The following HCRTR1 variants were observed in gnomAD, a reference collection of about 807,000 sequenced individuals.
HCRTR1 encodes the protein hypocretin receptor 1, also known as orexin/Hypocretin receptor type 1.
Under a neutral mutation model 40.6 loss-of-function variants are expected in HCRTR1, and 28 were observed. That is an observed-to-expected ratio of 0.69 (90% confidence interval 0.51 to 0.95). The LOEUF (loss-of-function observed/expected upper bound fraction) is 0.95, where lower values mean the gene tolerates loss of function less well. Among genes scored for constraint, HCRTR1 ranks in the 40% least tolerant of loss-of-function variants. The probability of loss-of-function intolerance (pLI) is 0.00; values close to 1 mark genes in which losing one functional copy is unlikely to be tolerated. For synonymous variants in HCRTR1, 209 were observed against 230.0 expected (o/e 0.91, Z 0.83); for missense variants, 482 against 564.7 (o/e 0.85, Z 1.48).
In HCRTR1 at chr1:31,626,107, C is replaced by G. The variant is rs937677071; in HGVS notation, c.1088-683C>G. 6.6e-6 allele frequency among the ~76,000 whole-genome samples: 1 copy of G among 152,130 alleles called. No individual in the cohort carries two copies. Among genetic ancestry groups the G allele is most frequent in the Non-Finnish European group, 1.5e-5 (1 of 68,028 alleles). On this transcript the variant is annotated intron_variant, in intron 8 of 8. Coordinates refer to ENST00000403528, the MANE Select transcript of HCRTR1 (RefSeq NM_001525.3). This position sits in a 1 kb window ranked among gnomAD's most constrained non-coding sequence, Gnocchi z 4.6. ...TGCTGGGCACCAGAGAGGCTGGCAGCCTAATGACACATGATCAAAGGGGCT... is the reference window on the plus strand; with the variant it reads ...TGCTGGGCACCAGAGAGGCTGGCAGGCTAATGACACATGATCAAAGGGGCT...
downstream of HCRTR1, among the ~76,000 whole-genome samples, chr1:31,631,317 T>C (rs10914459): frequency 0.42 from 64,352 of 152,104 alleles, 16,227 homozygotes; most frequent in Non-Finnish European, 0.56. Flanking sequence ...AATACTTAAC[T>C]TGTAGGTTCT....
downstream of HCRTR1, among the ~76,000 whole-genome samples, chr1:31,631,351 AT>A (rs1167786900): frequency 6.6e-6 from 1 of 152,232 alleles, no homozygotes; most frequent in Non-Finnish European, 1.5e-5. Flanking sequence ...ACGGGTGATC[AT>A]GTAAAGCACT....
In HCRTR1 at chr1:31,625,504, C is replaced by T. The variant is rs977814520; in HGVS notation, c.1087+386C>T. ...CTGTGGGAGGAGGGCCCTGGAGCCCCTGCCCGAGGAAGGATTGCACAGTCC... is the reference window on the plus strand; with the variant it reads ...CTGTGGGAGGAGGGCCCTGGAGCCCTTGCCCGAGGAAGGATTGCACAGTCC... On this transcript the variant is annotated intron_variant, in intron 8 of 8. Coordinates refer to ENST00000403528, the MANE Select transcript of HCRTR1 (RefSeq NM_001525.3). The surrounding 1 kb of genome is among the most constrained non-coding windows in gnomAD (Gnocchi z 4.2). Among the ~76,000 whole-genome samples, 1 of 152,236 alleles carries T rather than the reference C, an allele frequency of 6.6e-6. No homozygotes were observed. The highest frequency in any genetic ancestry group is 2.4e-5 in the African/African-American group (1 of 41,466).
In HCRTR1 at chr1:31,625,758, T is replaced by G. The variant is rs1396843913; in HGVS notation, c.1087+640T>G. The stretch of plus-strand genomic sequence containing the variant: ...CCCAGTCTCAGGGTGGTAATGGCTC[T>G]GAGGCTGAGCTCAGCAGAAGTCTGA... On this transcript the variant is annotated intron_variant, in intron 8 of 8. Coordinates refer to ENST00000403528, the MANE Select transcript of HCRTR1 (RefSeq NM_001525.3). This position sits in a 1 kb window ranked among gnomAD's most constrained non-coding sequence, Gnocchi z 4.2. 6.6e-6 allele frequency among the ~76,000 whole-genome samples: 1 copy of G among 152,122 alleles called. No individual in the cohort carries two copies. The highest frequency in any genetic ancestry group is 1.5e-5 in the Non-Finnish European group (1 of 68,014).
chr1:31,632,465 T>C, downstream of HCRTR1: 1 of 1,614,256 alleles, frequency 6.2e-7, no homozygotes, highest in Non-Finnish European at 8.5e-7. Context: ...AGCTCTGTCC[T>C]GCCCATCGTG....
chr1:31,620,805 G>A, intron 4 of HCRTR1, 38 bp from the exon 5 acceptor site: 1 of 1,597,292 alleles, frequency 6.3e-7, no homozygotes, highest in Non-Finnish European at 8.5e-7. Flanking sequence ...TCGCTGGGTG[G>A]CCCCCAAAAT....
At position 31,619,249 on chromosome 1, in the gene HCRTR1, G is replaced by A. The variant is rs201048851; in HGVS notation, c.57G>A (p.Glu19=). The change falls in exon 3 of 9, where the codon GAG becomes GAA. Residue 19 remains glutamate (E), a synonymous_variant. Transcript: ENST00000403528. The part of the protein sequence containing the change: ...AQMGVPPGSR[E]PSPVPPDYED... ...TGGGGGTCCCCCCTGGCAGCAGAGA[G>A]CCGTCCCCTGTGCCTCCAGACTATG... 4 of 1,613,844 alleles carry A rather than the reference G, an allele frequency of 2.5e-6. No homozygotes were observed. The highest frequency in any genetic ancestry group is 3.4e-6 in the Non-Finnish European group (4 of 1,180,012).
chr1:31,631,189 TGCCTGGG>T (rs1425459270), downstream of HCRTR1, among the ~76,000 whole-genome samples: 3 of 152,204 alleles, frequency 2.0e-5, no homozygotes, highest in South Asian at 4.1e-4. Flanking sequence ...AGGACCACCT[TGCCTGGG>T]GCAGACATCA....
At chr1:31,623,270 T>G (rs1399850602) in intron 6 of HCRTR1, among the ~76,000 whole-genome samples, 3 of 147,348 alleles carry the variant, frequency 2.0e-5, no homozygotes, top group Non-Finnish European at 4.5e-5. Flanking sequence ...CACTCCAGCT[T>G]AGGTGACAAG....
chr1:31,632,416 AC>A (rs1640131655), downstream of HCRTR1: 1 of 1,601,178 alleles, frequency 6.2e-7, no homozygotes, highest in Admixed American at 1.7e-5. Context: ...ACAAGAGGAA[AC>A]CCCTTTGTTG....
intron 7 of HCRTR1, among the ~76,000 whole-genome samples, chr1:31,624,592 T>C (rs927376404): frequency 6.6e-6 from 1 of 152,150 alleles, no homozygotes; most frequent in Non-Finnish European, 1.5e-5. Context: ...ATGCAGGCTA[T>C]TGGACAGAAG....
chr1:31,630,206 C>T (rs970662534), downstream of HCRTR1: 6 of 244,014 alleles, frequency 2.5e-5, no homozygotes, highest in Non-Finnish European at 4.9e-5. Flanking sequence ...AGAAAATGGG[C>T]TCGTTTGACA....
chr1:31,618,773 T>C lies in HCRTR1; in HGVS notation c.-186T>C, dbSNP rs947607394. On this transcript the variant is annotated 5_prime_UTR_variant, in exon 2 of 9. Transcript: ENST00000403528. ...CGTACCAGGTTCTTGGTGAAGCACT[T>C]GGCACGCATCGGAGCTCATTACTCC... 3 of 182,314 alleles carry C rather than the reference T, an allele frequency of 1.6e-5. No homozygotes were observed. The highest frequency in any genetic ancestry group is 4.8e-5 in the African/African-American group (2 of 42,048). 11.3% of individuals were successfully genotyped at this position (182,314 alleles called of 1,614,324 possible). A position where few individuals can be genotyped will look rare whatever the true frequency, so the allele number is the denominator to read the frequency against.
chr1:31,621,717 A>C lies in HCRTR1; in HGVS notation c.738+125A>C, dbSNP rs553908664. ...CATGCCATCTTGGCTGCAACCAAAG[A>C]GAGGGGAAGCCCAGAGACACGTCAA... is the stretch of plus-strand genomic sequence containing the variant. On this transcript the variant is annotated intron_variant, in intron 6 of 8. Transcript: ENST00000403528. 235 of 711,830 alleles carry C rather than the reference A, an allele frequency of 3.3e-4. 4 individuals are homozygous for C. In the South Asian group the frequency reaches 3.5e-3, roughly 11 times the overall value. The allele number at this position is 711,830 out of a possible 1,614,324, so 44.1% of individuals were successfully genotyped here. A position where few individuals can be genotyped will look rare whatever the true frequency, so the allele number is the denominator to read the frequency against.
rs925659010 is a variant in HCRTR1, at chr1:31,627,217, T to C, written c.*237T>C. On this transcript the variant is annotated 3_prime_UTR_variant, in exon 9 of 9. Transcript: ENST00000403528. ...CTGTGAAGTGTTGTGGACATGATTA[T>C]TGTTGTACTTCTCTCATTTGGCCAT... The C allele has an allele frequency of 3.3e-6, 5 of 1,499,616 alleles. No homozygotes were observed. Among genetic ancestry groups the C allele is most frequent in the African/African-American group, 2.8e-5 (2 of 72,352 alleles). The allele number at this position is 1,499,616 out of a possible 1,614,324, so 92.9% of individuals were successfully genotyped here. A position where few individuals can be genotyped will look rare whatever the true frequency, so the allele number is the denominator to read the frequency against.
chr1:31,631,278 C>T (rs1640095628), downstream of HCRTR1, among the ~76,000 whole-genome samples: 1 of 152,216 alleles, frequency 6.6e-6, no homozygotes, highest in South Asian at 2.1e-4. Context: ...GCCTCACTAT[C>T]CCTATCTTAT....
Position 31,623,534 on chromosome 1 carries a change from C to G in HCRTR1, c.750C>G (p.Thr250=). ...TGTGTGCTGGACAGATCCCCGGCAC[C>G]ACCTCAGCACTGGTGCGGAACTGGA... ...RKLWGRQIPG[T]TSALVRNWKR... is the part of the protein sequence containing the mutation. Residue 250 remains threonine (T), a synonymous_variant, in exon 7 of 9, where the codon ACC becomes ACG. Transcript: ENST00000403528. 1 of 1,612,574 alleles carries G rather than the reference C, an allele frequency of 6.2e-7. No homozygotes were observed. Among genetic ancestry groups the G allele is most frequent in the South Asian group, 1.1e-5 (1 of 90,956 alleles).
In HCRTR1 at chr1:31,627,140, G is replaced by T. The variant is rs1639997081; in HGVS notation, c.*160G>T. The T allele has an allele frequency of 2.1e-6, 3 of 1,411,984 alleles. No individual in the cohort carries two copies. The highest frequency in any genetic ancestry group is 4.6e-5 in the Admixed American group (2 of 43,840). 87.5% of individuals were successfully genotyped at this position (1,411,984 alleles called of 1,614,324 possible). A position where few individuals can be genotyped will look rare whatever the true frequency, so the allele number is the denominator to read the frequency against. On this transcript the variant is annotated 3_prime_UTR_variant, in exon 9 of 9. Coordinates refer to ENST00000403528, the MANE Select transcript of HCRTR1 (RefSeq NM_001525.3). ...TGTCTGAGCTTGTGTCCCCTAAGCAGGGTTGATGTGAGGATTAAGCATGCT... is the reference window on the plus strand; with the variant it reads ...TGTCTGAGCTTGTGTCCCCTAAGCATGGTTGATGTGAGGATTAAGCATGCT...
chr1:31,623,526 C>A lies in HCRTR1; in HGVS notation c.742C>A (p.Pro248Thr), dbSNP rs374843159. The change falls in exon 7 of 9, where the codon CCC becomes ACC. Residue 248 changes from proline (P) to threonine (T), a missense_variant. Physicochemically the swap from Pro to Thr is conservative, Grantham distance 38. Transcript: ENST00000403528. ...TGTCTCTATGTGTGCTGGACAGATCCCCGGCACCACCTCAGCACTGGTGCG... is the reference window on the plus strand; with the variant it reads ...TGTCTCTATGTGTGCTGGACAGATCACCGGCACCACCTCAGCACTGGTGCG... Reference protein sequence around the residue: ...IFRKLWGRQIPGTTSALVRNW... With the variant: ...IFRKLWGRQITGTTSALVRNW... 54 of 1,611,402 alleles carry A rather than the reference C, an allele frequency of 3.4e-5. 1 individual carries two copies. Among genetic ancestry groups the A allele is most frequent in the Non-Finnish European group, 4.5e-5 (53 of 1,179,122 alleles).
Sources: gnomAD v4.1 joint callset for allele counts (sites outside exome capture counted in the v4.1 genomes callset) on GRCh38, gnomAD v4.1.1 for gene constraint, Gnocchi (gnomAD v3.1) non-coding constraint, MANE v1.5 for transcripts, NCBI Gene and HGNC (gene_info 2026-07-23, HGNC 2026-07-21) for gene names.